The following SLC44A4 variants were observed in gnomAD, a reference collection of about 807,000 sequenced individuals.
The protein encoded by SLC44A4 is choline transporter-like protein 4.
SLC44A4 carries 74 observed loss-of-function variants against 97.0 expected under a neutral mutation model. The ratio of observed to expected loss-of-function variants is 0.76; its 90% CI spans 0.63 to 0.93. The LOEUF is 0.93. Among genes scored for constraint, SLC44A4 ranks in the 40% least tolerant of loss-of-function variants. The pLI is 0.00. For synonymous variants in SLC44A4, 325 were observed against 363.8 expected (o/e 0.89, Z 1.21); for missense variants, 799 against 902.9 (o/e 0.88, Z 1.48).
At position 31,878,948 on chromosome 6, in the gene SLC44A4, C is replaced by A. The variant is rs1198805065; in HGVS notation, c.33G>T (p.Glu11Asp). 6.2e-7 allele frequency: 1 copy of A among 1,613,930 alleles called. No homozygotes were observed. Residue 11 changes from glutamate to aspartate, a missense_variant, in exon 1 of 21, where the codon GAG becomes GAT. Physicochemically the swap from Glu to Asp is conservative, Grantham distance 45 (BLOSUM62 2). Coordinates refer to ENST00000229729, the MANE Select transcript of SLC44A4 (RefSeq NM_025257.3). The surrounding 1 kb of genome is among the most constrained non-coding windows in gnomAD (Gnocchi z 4.0). Reference sequence around the variant, plus strand: ...GCCTCGCCCCAGTCTCACCGTAGGCCTCGTCATCCTCGTCCCGCTGCTTTC... The same window carrying A: ...GCCTCGCCCCAGTCTCACCGTAGGCATCGTCATCCTCGTCCCGCTGCTTTC... MGGKQRDEDD[E>D]AYGKPVKYDP...
Position 31,871,343 on chromosome 6 carries a change from A to G in SLC44A4, c.672T>C (p.Asp224=), listed in dbSNP as rs747287210. Residue 224 remains aspartate (D), a synonymous_variant, in exon 9 of 21, where the codon GAT becomes GAC. Coordinates refer to ENST00000229729, the MANE Select transcript of SLC44A4 (RefSeq NM_025257.3). The stretch of plus-strand genomic sequence containing the variant: ...GAATCCAATACCAGGACTGGGCAAA[A>G]TCTTCAAAGATCTTAACACTGATGT... ...ARDISVKIFE[D]FAQSWYWILV... is the part of the protein sequence containing the mutation. The G allele has an allele frequency of 1.2e-5, 19 of 1,614,084 alleles. No individual in the cohort carries two copies. Among genetic ancestry groups the G allele is most frequent in the Non-Finnish European group, 1.6e-5 (19 of 1,180,000 alleles).
Position 31,870,901 on chromosome 6 carries a change from A to G in SLC44A4, c.848T>C (p.Leu283Pro), listed in dbSNP as rs780582352. Residue 283 changes from leucine (L) to proline (P), a missense_variant, in exon 10 of 21, where the codon CTG becomes CCG. Transcript: ENST00000229729. ...GGAGATGGAGGCGCCCTTGTCCCGC[A>G]GCACTCGGTACTCCTCCCAGCAGTA... ...IYYCWEEYRV[L>P]RDKGASISQL... The G allele has an allele frequency of 6.2e-7, 1 of 1,612,980 alleles. No individual in the cohort carries two copies. The highest frequency in any genetic ancestry group is 1.1e-5 in the South Asian group (1 of 91,080).
rs771850180 is a variant in SLC44A4, at chr6:31,871,489, A to G, written c.602T>C (p.Ile201Thr). ...AGGTGCCTACCTGATCCCCTGCTGTATGGTGGTGTCATTGGTGATCCCTGG... is the reference window on the plus strand; with the variant it reads ...AGGTGCCTACCTGATCCCCTGCTGTGTGGTGGTGTCATTGGTGATCCCTGG... ...ALPGITNDTT[I>T]QQGISGLIDS... The change falls in exon 8 of 21, where the codon ATA (isoleucine) becomes ACA (threonine). Residue 201 changes from isoleucine to threonine, a missense_variant. Ile to Thr is a moderately conservative substitution (Grantham distance 89). Transcript: ENST00000229729. The G allele has an allele frequency of 1.9e-6, 3 of 1,613,784 alleles. No individual in the cohort carries two copies. Among genetic ancestry groups the G allele is most frequent in the Non-Finnish European group, 2.5e-6 (3 of 1,179,902 alleles).
chr6:31,875,689 G>C lies in SLC44A4; in HGVS notation c.242+163C>G, dbSNP rs551125567. 39 of 646,920 alleles carry C rather than the reference G, an allele frequency of 6.0e-5. No homozygotes were observed. The Admixed American group carries it at 9.0e-4, about 15-fold the overall frequency. The allele number at this position is 646,920 out of a possible 1,614,324, so 40.1% of individuals were successfully genotyped here. The stretch of plus-strand genomic sequence containing the variant: ...TAACTGTCCAGCAATGGTTCTTAAC[G>C]TGGCCTGGAGTTGTCAGATTCAGGG... On this transcript the variant is annotated intron_variant, in intron 4 of 20. Coordinates refer to ENST00000229729, the MANE Select transcript of SLC44A4 (RefSeq NM_025257.3).
At position 31,876,672 on chromosome 6, in the gene SLC44A4, G is replaced by A. The variant is rs1330818374; in HGVS notation, c.89+362C>T. 1.3e-5 allele frequency among the ~76,000 whole-genome samples: 2 copies of A among 152,116 alleles called. No homozygotes were observed. Among genetic ancestry groups the A allele is most frequent in the African/African-American group, 2.4e-5 (1 of 41,420 alleles). Reference sequence around the variant, plus strand: ...GAGGATCACTTGAGCACAGGAGTTCGAGCCTGCAGTGAACCCCCATCTCCA... The same window carrying A: ...GAGGATCACTTGAGCACAGGAGTTCAAGCCTGCAGTGAACCCCCATCTCCA... On this transcript the variant is annotated intron_variant, in intron 2 of 20. Coordinates refer to ENST00000229729, the MANE Select transcript of SLC44A4 (RefSeq NM_025257.3). This position sits in a 1 kb window ranked among gnomAD's most constrained non-coding sequence, Gnocchi z 4.8.
chr6:31,873,421 G>A (rs1380493757), intron 7 of SLC44A4, among the ~76,000 whole-genome samples: 1 of 152,068 alleles, frequency 6.6e-6, no homozygotes. Flanking sequence ...GATCTCAGGT[G>A]ATCTGCCTGC....
Position 31,865,038 on chromosome 6 carries a change from A to G in SLC44A4, c.1803T>C (p.Phe601=). The change falls in exon 18 of 21, where the codon TTT becomes TTC. Residue 601 remains phenylalanine (F), a synonymous_variant. Transcript: ENST00000229729. The surrounding 1 kb of genome is among the most constrained non-coding windows in gnomAD (Gnocchi z 5.2). ...CGCCTCCGACCACCAGCAGCTTCCC[A>G]AAGAACAGCAGCAGGTCTGTGACTT... ...LDKVTDLLLF[F]GKLLVVGGVG... 6.2e-7 allele frequency: 1 copy of G among 1,613,658 alleles called. No homozygotes were observed. Among genetic ancestry groups the G allele is most frequent in the Middle Eastern group, 1.6e-4 (1 of 6,062 alleles).
chr6:31,864,536 C>T (rs866126937), intron 20 of SLC44A4, 116 bp downstream of exon 20: 6 of 949,262 alleles, frequency 6.3e-6, no homozygotes, highest in South Asian at 4.3e-5. Context: ...CCCTCTGGTT[C>T]GTTTAGCTCA....
Position 31,876,182 on chromosome 6 carries a change from G to T in SLC44A4, c.90-53C>A. On this transcript the variant is annotated intron_variant, in intron 2 of 20. Transcript: ENST00000229729. This position sits in a 1 kb window ranked among gnomAD's most constrained non-coding sequence, Gnocchi z 4.8. ...AGCTAAGGAGACTTGGGGAGGTAGG[G>T]CTTATGGTCTGGAGGGGTTAAGGGT... is the stretch of plus-strand genomic sequence containing the variant. 6.7e-7 allele frequency: 1 copy of T among 1,499,114 alleles called. No homozygotes were observed. Among genetic ancestry groups the T allele is most frequent in the Non-Finnish European group, 9.2e-7 (1 of 1,089,216 alleles). 92.9% of individuals were successfully genotyped at this position (1,499,114 alleles called of 1,614,324 possible). A position where few individuals can be genotyped will look rare whatever the true frequency, so the allele number is the denominator to read the frequency against.
At position 31,871,876 on chromosome 6, in the gene SLC44A4, A is replaced by G. The variant is rs549053617; in HGVS notation, c.530-315T>C. On this transcript the variant is annotated intron_variant, in intron 7 of 20. Coordinates refer to ENST00000229729, the MANE Select transcript of SLC44A4 (RefSeq NM_025257.3). The stretch of plus-strand genomic sequence containing the variant: ...GAGACCGTGGCACTGCCTGGACTTC[A>G]TCACTCCAGGGTTCTGGGTCCCTTT... Among the ~76,000 whole-genome samples the G allele has an allele frequency of 1.9e-4, 29 of 152,098 alleles. No homozygotes were observed. The South Asian group carries it at 6.0e-3, about 32-fold the overall frequency.
At position 31,869,726 on chromosome 6, in the gene SLC44A4, C is replaced by G. The variant is rs4448084; in HGVS notation, c.1038-89G>C. Reference sequence around the variant, plus strand: ...CCCGGCCGGGCGCAGTGGCTCACGCCTGTAATCCCAGCACTTTGGGAGGCT... The same window carrying G: ...CCCGGCCGGGCGCAGTGGCTCACGCGTGTAATCCCAGCACTTTGGGAGGCT... On this transcript the variant is annotated intron_variant, in intron 11 of 20. Transcript: ENST00000229729. 26,756 of 975,196 alleles carry G rather than the reference C, an allele frequency of 0.027. 530 individuals carry two copies. Among genetic ancestry groups the G allele is most frequent in the African/African-American group, 0.063 (3,927 of 61,856 alleles). 60.4% of individuals were successfully genotyped at this position (975,196 alleles called of 1,614,324 possible).
chr6:31,864,925 TG>T lies in SLC44A4; in HGVS notation c.1832-16del. The T allele has an allele frequency of 6.2e-7, 1 of 1,613,868 alleles. No individual in the cohort carries two copies. Among genetic ancestry groups the T allele is most frequent in the Admixed American group, 1.7e-5 (1 of 59,958 alleles). On this transcript the variant is annotated splice_polypyrimidine_tract_variant and intron_variant, in intron 18 of 20. Transcript: ENST00000229729. ...GGACAGGACCCCTGTGGAATAATTC[TG>T]GGGGTTAGTGCTGCACCTCTGAGGC...
In SLC44A4 at chr6:31,874,799, G is replaced by GT; in HGVS notation, c.389dup (p.Asn130LysfsTer69). 1 of 1,613,968 alleles carries GT rather than the reference G, an allele frequency of 6.2e-7. No homozygotes were observed. The highest frequency in any genetic ancestry group is 8.5e-7 in the Non-Finnish European group (1 of 1,179,976). On this transcript the variant is annotated frameshift_variant, in exon 6 of 21. Coordinates refer to ENST00000229729, the MANE Select transcript of SLC44A4 (RefSeq NM_025257.3). LOFTEE classifies it high-confidence loss of function. This position sits in a 1 kb window ranked among gnomAD's most constrained non-coding sequence, Gnocchi z 4.8. Reference sequence around the variant, plus strand: ...CTTCCCCAACAGTCTGTGAGAACTCGTTTTTTCCCACAGTCCATGGGTCCT... The same window carrying GT: ...CTTCCCCAACAGTCTGTGAGAACTCGTTTTTTTCCCACAGTCCATGGGTCCT...
At chr6:31,869,732 T>C (rs1442330994) in intron 11 of SLC44A4, 95 bp from the exon 12 acceptor site, 1 of 906,810 alleles carries the variant, frequency 1.1e-6, no homozygotes. Flanking sequence ...ACGCCTGTAA[T>C]CCCAGCACTT....
In SLC44A4 at chr6:31,874,772, G is replaced by T. The variant is rs771545079; in HGVS notation, c.417C>A (p.Val139=). 7 of 1,613,856 alleles carry T rather than the reference G, an allele frequency of 4.3e-6. No homozygotes were observed. The highest frequency in any genetic ancestry group is 5.9e-6 in the Non-Finnish European group (7 of 1,179,964). Reference sequence around the variant, plus strand: ...AAAAGTTCCTGTTTTTTGTATAGAAGACTTCCCCAACAGTCTGTGAGAACT... The same window carrying T: ...AAAAGTTCCTGTTTTTTGTATAGAATACTTCCCCAACAGTCTGTGAGAACT... ...KNEFSQTVGE[V]FYTKNRNFCL... Residue 139 remains valine (V), a synonymous_variant, in exon 6 of 21, where the codon GTC becomes GTA. Transcript: ENST00000229729. This position sits in a 1 kb window ranked among gnomAD's most constrained non-coding sequence, Gnocchi z 4.8.
In SLC44A4 at chr6:31,870,629, G is replaced by T; in HGVS notation, c.1011C>A (p.Ala337=). Residue 337 remains alanine, a synonymous_variant, in exon 11 of 21, where the codon GCC becomes GCA. Coordinates refer to ENST00000229729, the MANE Select transcript of SLC44A4 (RefSeq NM_025257.3). ...TGCTGGCCTCCTTCAGGAGGGCGATGGCAATACGAATCCGCTGCCGCAGGA... is the reference window on the plus strand; with the variant it reads ...TGCTGGCCTCCTTCAGGAGGGCGATTGCAATACGAATCCGCTGCCGCAGGA... ...LIFLRQRIRI[A]IALLKEASKA... 1 of 1,606,368 alleles carries T rather than the reference G, an allele frequency of 6.2e-7. No individual in the cohort carries two copies. Among genetic ancestry groups the T allele is most frequent in the Non-Finnish European group, 8.5e-7 (1 of 1,177,022 alleles).
intron 13 of SLC44A4, among the ~76,000 whole-genome samples, chr6:31,867,559 A>G (rs375840112): frequency 6.6e-6 from 1 of 151,780 alleles, no homozygotes; most frequent in East Asian, 1.9e-4. Context: ...GTGAAACGCC[A>G]TCTCTTAAAA....
intron 3 of SLC44A4, 35 bp from the exon 4 acceptor site, chr6:31,875,965 C>G (rs1174598685): frequency 6.2e-7 from 1 of 1,613,528 alleles, no homozygotes; most frequent in Non-Finnish European, 8.5e-7. Flanking sequence ...CATTGGAGGG[C>G]AGGGACTTAG....
chr6:31,865,788 C>T lies in SLC44A4; in HGVS notation c.1488-4G>A, dbSNP rs1762828997. ...TGCCAATGACCCAGTGTGGTAACTG[C>T]AGAGGGTGTTATGCAGTCAGAGACA... On this transcript the variant is annotated splice_polypyrimidine_tract_variant and splice_region_variant and intron_variant, in intron 14 of 20. Transcript: ENST00000229729. This position sits in a 1 kb window ranked among gnomAD's most constrained non-coding sequence, Gnocchi z 5.2. The T allele has an allele frequency of 6.2e-7, 1 of 1,613,768 alleles. No individual in the cohort carries two copies. Among genetic ancestry groups the T allele is most frequent in the African/African-American group, 1.3e-5 (1 of 74,922 alleles).
Sources: gnomAD v4.1 joint callset for allele counts (sites outside exome capture counted in the v4.1 genomes callset) on GRCh38, gnomAD v4.1.1 for gene constraint, Gnocchi (gnomAD v3.1) non-coding constraint, MANE v1.5 for transcripts, NCBI Gene and HGNC (gene_info 2026-07-23, HGNC 2026-07-21) for gene names.